Variants in SUPT3H observed in about 807,000 individuals in gnomAD.
The protein encoded by SUPT3H is SPT3 homolog, SAGA and STAGA complex component, also known as transcription initiation protein SPT3 homolog.
Under a neutral mutation model 44.3 loss-of-function variants are expected in SUPT3H, and 44 were observed. That is an observed-to-expected ratio of 0.99 (90% CI 0.78 to 1.28). The LOEUF is 1.28. SUPT3H is among the 50% of genes most tolerant of loss of function. The pLI is 0.00. For missense variants in SUPT3H, 380 were observed against 387.1 expected, an observed-to-expected ratio of 0.98 and a Z score of 0.15; for synonymous variants, 124 against 125.6, an observed-to-expected ratio of 0.99 and a Z score of 0.09.
chr6:45,097,305 C>A (rs528435966), intron 3 of SUPT3H, among the ~76,000 whole-genome samples: 2 of 152,334 alleles, frequency 1.3e-5, no homozygotes, highest in African/African-American at 4.8e-5. Context: ...AAGTTTGCTA[C>A]AGGACACAAG....
At chr6:45,171,713 C>CTTTTTTTTTTTTTT (rs777154020) in intron 2 of SUPT3H, among the ~76,000 whole-genome samples, 2 of 93,474 alleles carry the variant, frequency 2.1e-5, no homozygotes, top group Non-Finnish European at 3.7e-5. Flanking sequence ...ATTCCACTTG[C>CTTTTTTTTTTTTTT]TTTTTTTTTT....
chr6:45,241,024 A>C (rs1350465615), intron 2 of SUPT3H, among the ~76,000 whole-genome samples: 1 of 152,218 alleles, frequency 6.6e-6, no homozygotes, highest in Non-Finnish European at 1.5e-5. Flanking sequence ...CCCATTAAAA[A>C]GGATAAAAAC....
rs1283192791 is a variant in SUPT3H, at chr6:45,092,493, G to GGGC, written c.186+13428_186+13429insGCC. Among the ~76,000 whole-genome samples, 18 of 152,214 alleles carry GGGC rather than the reference G, an allele frequency of 1.2e-4. No individual in the cohort carries two copies. In the East Asian group the frequency reaches 3.5e-3, roughly 29 times the overall value. On this transcript the variant is annotated intron_variant, in intron 3 of 10. Coordinates refer to ENST00000371459, the MANE Select transcript of SUPT3H (RefSeq NM_003599.4). The stretch of plus-strand genomic sequence containing the variant: ...CAGCCGGGTGCGGTGGCTCACACCT[G>GGGC]TAATCCCAGCATTTGGGAGGCTGAG...
At chr6:45,284,255 G>A (rs1778772133) in intron 2 of SUPT3H, among the ~76,000 whole-genome samples, 1 of 152,048 alleles carries the variant, frequency 6.6e-6, no homozygotes, top group Non-Finnish European at 1.5e-5. Flanking sequence ...GAGCAGAACT[G>A]AAGGAAATAG....
At chr6:45,318,965 C>T (rs551735720) in intron 2 of SUPT3H, among the ~76,000 whole-genome samples, 1 of 152,222 alleles carries the variant, frequency 6.6e-6, no homozygotes, top group African/African-American at 2.4e-5. Flanking sequence ...ATCTTCCCTA[C>T]ATAAATATTA....
At chr6:44,928,967 CACT>C (rs1214244346) in intron 10 of SUPT3H, among the ~76,000 whole-genome samples, 11 of 150,996 alleles carry the variant, frequency 7.3e-5, no homozygotes, top group Non-Finnish European at 1.3e-4. Flanking sequence ...TGTTGTTAAC[CACT>C]GAGTGGGGAC....
intron 2 of SUPT3H, among the ~76,000 whole-genome samples, chr6:45,158,291 TATA>T (rs1269599462): frequency 0.33 from 24,300 of 73,432 alleles, 4,634 homozygotes; most frequent in East Asian, 0.45. Flanking sequence ...TATATATATA[TATA>T]TATATTTTTT....
intron 10 of SUPT3H, among the ~76,000 whole-genome samples, chr6:44,915,458 C>T (rs573263096): frequency 6.6e-6 from 1 of 152,184 alleles, no homozygotes; most frequent in African/African-American, 2.4e-5. Context: ...TTCTAAGGCC[C>T]CCCAACCATC....
At chr6:45,286,627 C>A (rs1002795962) in intron 2 of SUPT3H, among the ~76,000 whole-genome samples, 1 of 152,150 alleles carries the variant, frequency 6.6e-6, no homozygotes, top group Non-Finnish European at 1.5e-5. Context: ...AATAGGAACA[C>A]TTTTACACTG....
At chr6:45,142,754 A>C (rs1329503012) in intron 2 of SUPT3H, among the ~76,000 whole-genome samples, 1 of 148,436 alleles carries the variant, frequency 6.7e-6, no homozygotes. Flanking sequence ...AAAAAAAAAA[A>C]AAAAAAAAAA....
At chr6:44,876,815 TA>T (rs779060676) in intron 10 of SUPT3H, among the ~76,000 whole-genome samples, 1 of 28,734 alleles carries the variant, frequency 3.5e-5, no homozygotes, top group Admixed American at 3.8e-4. Context: ...AAGCCTACAA[TA>T]AAAATAAAGA....
chr6:45,001,865 C>G (rs1358313383), intron 6 of SUPT3H, among the ~76,000 whole-genome samples: 1 of 152,078 alleles, frequency 6.6e-6, no homozygotes. Context: ...ACTCTTGAAA[C>G]TATAACCTAT....
chr6:45,091,530 GGT>G lies in SUPT3H; in HGVS notation c.186+14390_186+14391del, dbSNP rs1289735986. On this transcript the variant is annotated intron_variant, in intron 3 of 10. Coordinates refer to ENST00000371459, the MANE Select transcript of SUPT3H (RefSeq NM_003599.4). Reference sequence around the variant, plus strand: ...TCCCCAAACTCTCTAGAGAAGAAATGGTTTGAATTCCCTATCTACTACTTATA... The same window carrying G: ...TCCCCAAACTCTCTAGAGAAGAAATGTTGAATTCCCTATCTACTACTTATA... Among the ~76,000 whole-genome samples, 4 of 152,084 alleles carry G rather than the reference GGT, an allele frequency of 2.6e-5. No homozygotes were observed. The East Asian group carries it at 7.7e-4, about 29-fold the overall frequency.
chr6:45,238,949 T>C (rs1423484315), intron 2 of SUPT3H, among the ~76,000 whole-genome samples: 1 of 152,214 alleles, frequency 6.6e-6, no homozygotes, highest in East Asian at 1.9e-4. Context: ...CTCCCTAAAA[T>C]AACTAAATTC....
At chr6:45,047,222 C>T (rs539608449) in intron 3 of SUPT3H, among the ~76,000 whole-genome samples, 1 of 152,148 alleles carries the variant, frequency 6.6e-6, no homozygotes, top group South Asian at 2.1e-4. Flanking sequence ...ATGTGTAGGG[C>T]ATCTGATACA....
chr6:45,039,590 G>A (rs1026007296), intron 3 of SUPT3H, among the ~76,000 whole-genome samples: 1 of 152,030 alleles, frequency 6.6e-6, no homozygotes, highest in Non-Finnish European at 1.5e-5. Context: ...GACCAGCCAG[G>A]CCAACACGGT....
intron 10 of SUPT3H, among the ~76,000 whole-genome samples, chr6:44,877,616 T>C (rs1777524158): frequency 6.6e-6 from 1 of 152,238 alleles, no homozygotes; most frequent in Non-Finnish European, 1.5e-5. Flanking sequence ...CATTTACTTC[T>C]TCAGCATGGC....
At chr6:44,840,040 A>T (rs1178188253) in intron 10 of SUPT3H, among the ~76,000 whole-genome samples, 2 of 152,216 alleles carry the variant, frequency 1.3e-5, no homozygotes, top group African/African-American at 4.8e-5. Context: ...AGTCAGTTGA[A>T]ATTCTTGTCC....
chr6:44,900,190 C>T (rs747160121), intron 10 of SUPT3H, among the ~76,000 whole-genome samples: 4 of 152,176 alleles, frequency 2.6e-5, no homozygotes, highest in Non-Finnish European at 5.9e-5. Context: ...ACAGTGGGTG[C>T]AGCGCACCGA....
Sources: gnomAD v4.1 joint callset for allele counts (sites outside exome capture counted in the v4.1 genomes callset) on GRCh38, gnomAD v4.1.1 for gene constraint, MANE v1.5 for transcripts, NCBI Gene and HGNC (gene_info 2026-07-23, HGNC 2026-07-21) for gene names.